CAMK1D: variants seen among roughly 807,000 people sequenced by gnomAD.
The protein encoded by CAMK1D is calcium/calmodulin dependent protein kinase ID.
Under a neutral mutation model 47.7 loss-of-function variants are expected in CAMK1D, and 9 were observed. The observed-to-expected ratio is 0.19, with a 90% CI of 0.11 to 0.33. The LOEUF is 0.33. CAMK1D is among the 10% of genes least tolerant of loss of function. The pLI, the probability that CAMK1D is intolerant of heterozygous loss-of-function variation, is 1.00. For missense variants in CAMK1D, 291 were observed against 488.7 expected, an observed-to-expected ratio of 0.60 and a Z score of 3.81; for synonymous variants, 184 against 184.9, an observed-to-expected ratio of 0.99 and a Z score of 0.04.
intron 1 of CAMK1D, among the ~76,000 whole-genome samples, chr10:12,389,194 T>TG (rs35969910): frequency 0.53 from 80,956 of 151,732 alleles, 23,053 homozygotes; most frequent in East Asian, 0.69. Flanking sequence ...GGCGTGGGGG[T>TG]GTGTGTGGTC....
intron 8 of CAMK1D, among the ~76,000 whole-genome samples, chr10:12,819,741 T>C (rs1049764782): frequency 3.3e-5 from 5 of 152,010 alleles, no homozygotes; most frequent in Non-Finnish European, 1.5e-5. Context: ...GACAACCCAA[T>C]CTGGTGGGAG....
chr10:12,807,490 G>T (rs1428925642), intron 6 of CAMK1D, among the ~76,000 whole-genome samples: 1 of 152,108 alleles, frequency 6.6e-6, no homozygotes, highest in Non-Finnish European at 1.5e-5. Context: ...AATTACCAGG[G>T]ATGGGGCTGC....
intron 1 of CAMK1D, among the ~76,000 whole-genome samples, chr10:12,350,915 G>A (rs533103798): frequency 6.6e-6 from 1 of 152,358 alleles, no homozygotes; most frequent in Non-Finnish European, 1.5e-5. Context: ...TCATGGAGGT[G>A]TTGATTAGGC....
At chr10:12,460,621 G>A (rs1364411434) in intron 1 of CAMK1D, among the ~76,000 whole-genome samples, 1 of 151,930 alleles carries the variant, frequency 6.6e-6, no homozygotes, top group Admixed American at 6.6e-5. Context: ...GTAGACATGG[G>A]GTCTCACTTT....
chr10:12,355,846 CA>C (rs1186464736), intron 1 of CAMK1D, among the ~76,000 whole-genome samples: 1 of 152,044 alleles, frequency 6.6e-6, no homozygotes, highest in Non-Finnish European at 1.5e-5. Context: ...CCTGGAGCCA[CA>C]GAAAATACAA....
intron 5 of CAMK1D, among the ~76,000 whole-genome samples, chr10:12,787,126 GAAAAAA>G (rs754756541): frequency 2.2e-5 from 1 of 45,750 alleles, no homozygotes; most frequent in East Asian, 8.5e-4. Context: ...CCTTCTCAAA[GAAAAAA>G]AAGAAGAAGA....
chr10:12,442,170 C>G (rs1306123085), intron 1 of CAMK1D, among the ~76,000 whole-genome samples: 1 of 152,140 alleles, frequency 6.6e-6, no homozygotes, highest in Non-Finnish European at 1.5e-5. Flanking sequence ...GGTAGTCTTT[C>G]TTAATAACTT....
chr10:12,520,798 G>A (rs1313540807), intron 1 of CAMK1D, among the ~76,000 whole-genome samples: 1 of 47,180 alleles, frequency 2.1e-5, no homozygotes, highest in African/African-American at 8.5e-5. Flanking sequence ...GCGTGGCAGC[G>A]CGCGCCTGCA....
intron 2 of CAMK1D, among the ~76,000 whole-genome samples, chr10:12,612,790 G>T (rs973143083): frequency 1.8e-4 from 28 of 152,164 alleles, no homozygotes; most frequent in African/African-American, 6.0e-4. Flanking sequence ...AGACCTGAAA[G>T]TTCCATGATT....
chr10:12,791,118 G>A (rs1310433888), intron 5 of CAMK1D, 40 bp from the exon 6 acceptor site: 3 of 1,599,392 alleles, frequency 1.9e-6, no homozygotes, highest in Non-Finnish European at 1.7e-6. Flanking sequence ...TCCGAGGCAT[G>A]TAAATTGTCA....
At chr10:12,710,894 GACATTT>G (rs1194683932) in intron 3 of CAMK1D, among the ~76,000 whole-genome samples, 99 of 152,276 alleles carry the variant, frequency 6.5e-4, no homozygotes, top group African/African-American at 2.4e-3. Context: ...TGTTGCCTTT[GACATTT>G]GATCAATCAC....
chr10:12,519,366 T>C (rs1248115208), intron 1 of CAMK1D, among the ~76,000 whole-genome samples: 1 of 11,282 alleles, frequency 8.9e-5, no homozygotes. Context: ...CCCCCCCACC[T>C]CCCTCCCGGA....
intron 6 of CAMK1D, among the ~76,000 whole-genome samples, chr10:12,810,746 C>T (rs78480728): frequency 0.042 from 6,334 of 152,254 alleles, 471 homozygotes; most frequent in African/African-American, 0.14. Flanking sequence ...ATTCTTGAGT[C>T]CCCTCCCTTT....
At chr10:12,574,864 T>C (rs894101722) in intron 2 of CAMK1D, among the ~76,000 whole-genome samples, 17 of 151,980 alleles carry the variant, frequency 1.1e-4, no homozygotes, top group African/African-American at 4.1e-4. Flanking sequence ...AGCCGGAGCG[T>C]GAGTGAAGGA....
chr10:12,373,627 A>C (rs969300075), intron 1 of CAMK1D, among the ~76,000 whole-genome samples: 2 of 152,054 alleles, frequency 1.3e-5, no homozygotes, highest in Middle Eastern at 3.4e-3. Context: ...GGGAGGCTCC[A>C]TCTCAAAAAA....
At chr10:12,458,879 CCT>C (rs1833339543) in intron 1 of CAMK1D, among the ~76,000 whole-genome samples, 1 of 129,264 alleles carries the variant, frequency 7.7e-6, no homozygotes. Context: ...TCCTTTCTTT[CCT>C]TTTTTTTTTT....
intron 1 of CAMK1D, among the ~76,000 whole-genome samples, chr10:12,445,534 C>T (rs1832900995): frequency 6.6e-6 from 1 of 152,156 alleles, no homozygotes; most frequent in African/African-American, 2.4e-5. Context: ...GAAGAGTAGA[C>T]AGACTTTTCT....
chr10:12,754,122 C>G (rs1836123101), intron 3 of CAMK1D, among the ~76,000 whole-genome samples: 1 of 152,110 alleles, frequency 6.6e-6, no homozygotes. Flanking sequence ...AACTCCTGAC[C>G]TCAGGTGATT....
At chr10:12,702,073 A>G (rs1485250966) in intron 3 of CAMK1D, among the ~76,000 whole-genome samples, 1 of 152,178 alleles carries the variant, frequency 6.6e-6, no homozygotes, top group Admixed American at 6.5e-5. Context: ...TCCCCGTTGG[A>G]CGCACAGGGC....
Sources: gnomAD v4.1 joint callset for allele counts (sites outside exome capture counted in the v4.1 genomes callset) on GRCh38, gnomAD v4.1.1 for gene constraint, MANE v1.5 for transcripts, NCBI Gene and HGNC (gene_info 2026-07-23, HGNC 2026-07-21) for gene names.